The following ARHGAP10 variants were observed in gnomAD, a reference collection of about 807,000 sequenced individuals.
The protein encoded by ARHGAP10 is rho GTPase-activating protein 10.
ARHGAP10 carries 87 observed loss-of-function variants against 108.6 expected under a neutral mutation model. That is an observed-to-expected ratio of 0.80 (90% CI 0.67 to 0.96). ARHGAP10 has a LOEUF of 0.96. ARHGAP10 is among the 40% of genes least tolerant of loss of function. The pLI is 0.00. For synonymous variants in ARHGAP10, 347 were observed against 341.1 expected, an observed-to-expected ratio of 1.02 and a Z score of -0.19; for missense variants, 939 against 954.5, an observed-to-expected ratio of 0.98 and a Z score of 0.21.
intron 18 of ARHGAP10, among the ~76,000 whole-genome samples, chr4:148,003,024 T>G (rs1436818987): frequency 8.5e-5 from 13 of 152,244 alleles, no homozygotes; most frequent in Non-Finnish European, 5.9e-5. Context: ...TAATTTTAGA[T>G]CTTTCCTGCT....
rs59933316 is a variant in ARHGAP10 at position 147,837,643 on chromosome 4, G to GTTTT, written c.313-9492_313-9489dup. 3.7e-4 allele frequency among the ~76,000 whole-genome samples: 26 copies of GTTTT among 70,238 alleles called. 3 individuals carry two copies. In the South Asian group the frequency reaches 0.015, roughly 40 times the overall value. The allele number at this position is 70,238 out of a possible 152,430, so 46.1% of individuals were successfully genotyped here. A position where few individuals can be genotyped will look rare whatever the true frequency, so the allele number is the denominator to read the frequency against. ...CACCTCGCTAGAATCTCTGGTCACT[G>GTTTT]TTTTTTTTTTTTTTTTTTTAAAGCA... is the stretch of plus-strand genomic sequence containing the variant. On this transcript the variant is annotated intron_variant, in intron 3 of 22. Coordinates refer to ENST00000336498, the MANE Select transcript of ARHGAP10 (RefSeq NM_024605.4).
At chr4:147,861,501 G>A (rs187222221) in intron 5 of ARHGAP10, 1 of 152,266 alleles carries the variant, frequency 6.6e-6, no homozygotes, top group Non-Finnish European at 1.5e-5. Context: ...AGCTCTTTCA[G>A]TCTGGCCATT....
At chr4:147,963,814 C>T (rs1224581514) in intron 16 of ARHGAP10, among the ~76,000 whole-genome samples, 1 of 152,168 alleles carries the variant, frequency 6.6e-6, no homozygotes, top group Admixed American at 6.5e-5. Context: ...CCTTAGTATC[C>T]CTTGGCTTGT....
At chr4:147,900,388 T>G (rs1579177148) in intron 10 of ARHGAP10, among the ~76,000 whole-genome samples, 1 of 152,242 alleles carries the variant, frequency 6.6e-6, no homozygotes, top group Admixed American at 6.5e-5. Context: ...ATTCCCAAAC[T>G]TAGGTACTAC....
At chr4:148,011,432 C>G (rs1033544001) in intron 18 of ARHGAP10, among the ~76,000 whole-genome samples, 28 of 152,276 alleles carry the variant, frequency 1.8e-4, no homozygotes, top group African/African-American at 6.7e-4. Context: ...GCTGGGCTCC[C>G]CTGGGACTGT....
intron 18 of ARHGAP10, among the ~76,000 whole-genome samples, chr4:147,997,970 T>C (rs2149641777): frequency 6.6e-6 from 1 of 152,200 alleles, no homozygotes; most frequent in South Asian, 2.1e-4. Context: ...GAAAAAATAT[T>C]ACAAAAACAA....
intron 4 of ARHGAP10, among the ~76,000 whole-genome samples, chr4:147,850,684 C>T (rs141262292): frequency 0.021 from 3,155 of 152,108 alleles, 106 homozygotes; most frequent in African/African-American, 0.072. Flanking sequence ...CGAGGGTCCG[C>T]GGCTTCGTTC....
At chr4:147,846,400 C>A (rs1420815504) in intron 3 of ARHGAP10, among the ~76,000 whole-genome samples, 1 of 152,168 alleles carries the variant, frequency 6.6e-6, no homozygotes, top group Non-Finnish European at 1.5e-5. Context: ...CTCCTGGAAG[C>A]AGAGGGTGAG....
At chr4:147,988,492 A>G (rs536971245) in intron 18 of ARHGAP10, among the ~76,000 whole-genome samples, 4 of 152,236 alleles carry the variant, frequency 2.6e-5, no homozygotes, top group East Asian at 1.9e-4. Flanking sequence ...CTTTTCCTCT[A>G]TCTAGCTCTG....
chr4:147,882,055 C>T, intron 10 of ARHGAP10, 123 bp downstream of exon 10: 1 of 874,728 alleles, frequency 1.1e-6, no homozygotes, highest in Non-Finnish European at 1.8e-6. Context: ...GCTATATTTC[C>T]AGGCTGTGTG....
intron 1 of ARHGAP10, among the ~76,000 whole-genome samples, chr4:147,750,624 T>G (rs899615808): frequency 5.9e-5 from 9 of 151,478 alleles, no homozygotes; most frequent in Non-Finnish European, 2.9e-5. Flanking sequence ...TGGGGGGGGT[T>G]GTAATCTCAC....
At chr4:147,881,763 C>G in intron 9 of ARHGAP10, 75 bp from the exon 10 acceptor site, 1 of 1,355,794 alleles carries the variant, frequency 7.4e-7, no homozygotes, top group Admixed American at 1.9e-5. Context: ...CTCCCCTGCT[C>G]TCCAGTATAG....
chr4:147,900,210 T>A (rs1344722261), intron 10 of ARHGAP10, among the ~76,000 whole-genome samples: 1 of 152,204 alleles, frequency 6.6e-6, no homozygotes, highest in African/African-American at 2.4e-5. Context: ...TTTCTTATGC[T>A]TGGGCTGAGG....
chr4:147,926,648 A>G (rs1441659009), intron 13 of ARHGAP10, among the ~76,000 whole-genome samples: 1 of 152,182 alleles, frequency 6.6e-6, no homozygotes, highest in Non-Finnish European at 1.5e-5. Context: ...CTAAGTCAAG[A>G]TGATAGTGGA....
chr4:147,762,566 T>C (rs1729635666), intron 1 of ARHGAP10, among the ~76,000 whole-genome samples: 1 of 151,908 alleles, frequency 6.6e-6, no homozygotes, highest in Non-Finnish European at 1.5e-5. Context: ...AGTCTTGTTC[T>C]GTCTCCCAGG....
intron 15 of ARHGAP10, among the ~76,000 whole-genome samples, chr4:147,948,234 A>G (rs1349436959): frequency 6.6e-6 from 1 of 152,120 alleles, no homozygotes; most frequent in Admixed American, 6.6e-5. Context: ...TTTAAAGATA[A>G]TACTTTAAAG....
chr4:147,929,752 C>A (rs1322156647), intron 13 of ARHGAP10, among the ~76,000 whole-genome samples: 1 of 152,074 alleles, frequency 6.6e-6, no homozygotes, highest in African/African-American at 2.4e-5. Context: ...GTTTTTCCTT[C>A]ATTTTCAAGA....
At chr4:148,062,244 C>T (rs575840813) in intron 20 of ARHGAP10, among the ~76,000 whole-genome samples, 14 of 152,138 alleles carry the variant, frequency 9.2e-5, no homozygotes, top group South Asian at 2.1e-4. Flanking sequence ...CTGAAGAACA[C>T]GGTGCTAGTT....
chr4:147,881,796 T>TA, intron 9 of ARHGAP10, 42 bp from the exon 10 acceptor site: 1 of 1,593,116 alleles, frequency 6.3e-7, no homozygotes, highest in Non-Finnish European at 8.6e-7. Flanking sequence ...TGTATATACT[T>TA]ATCCTGTAGG....
Sources: gnomAD v4.1 joint callset for allele counts (sites outside exome capture counted in the v4.1 genomes callset) on GRCh38, gnomAD v4.1.1 for gene constraint, MANE v1.5 for transcripts, NCBI Gene and HGNC (gene_info 2026-07-23, HGNC 2026-07-21) for gene names.